Variants in CACNB4 observed in about 807,000 individuals in gnomAD.
The protein encoded by CACNB4 is calcium voltage-gated channel auxiliary subunit beta 4.
In CACNB4, 32 loss-of-function variants were observed where a neutral mutation model predicts 71.2. That is an observed-to-expected ratio of 0.45 (90% CI 0.34 to 0.60). CACNB4 has a LOEUF of 0.60. Among genes scored for constraint, CACNB4 ranks in the 20% least tolerant of loss-of-function variants. CACNB4 has a pLI of 0.01. For missense variants in CACNB4, 464 were observed against 647.9 expected (o/e 0.72, Z 3.08); for synonymous variants, 231 against 236.9 (o/e 0.97, Z 0.23).
upstream of CACNB4, chr2:152,099,130 C>G: frequency 1.7e-6 from 1 of 588,714 alleles, no homozygotes; most frequent in Non-Finnish European, 2.9e-6. Flanking sequence ...CCAGGACCCG[C>G]GCCGGCGCCC....
At chr2:151,997,609 G>A (rs1049435596) in intron 2 of CACNB4, among the ~76,000 whole-genome samples, 5 of 152,102 alleles carry the variant, frequency 3.3e-5, no homozygotes, top group Non-Finnish European at 5.9e-5. Flanking sequence ...TGCTGAGATT[G>A]GAGTGATGTA....
chr2:151,923,975 G>A (rs1252069686), intron 2 of CACNB4, among the ~76,000 whole-genome samples: 4 of 150,254 alleles, frequency 2.7e-5, no homozygotes, highest in Non-Finnish European at 5.9e-5. Flanking sequence ...CAGAGGGACT[G>A]GTTTTTTAAT....
At chr2:152,009,393 T>C (rs992290842) in intron 2 of CACNB4, among the ~76,000 whole-genome samples, 4 of 151,978 alleles carry the variant, frequency 2.6e-5, no homozygotes, top group Non-Finnish European at 2.9e-5. Context: ...AAAAGGTCAT[T>C]AGGTAAAAGG....
intron 2 of CACNB4, among the ~76,000 whole-genome samples, chr2:151,999,072 G>A (rs1682241318): frequency 1.3e-5 from 2 of 152,184 alleles, no homozygotes; most frequent in African/African-American, 2.4e-5. Flanking sequence ...GAACAAATGC[G>A]GCTGTCAGCT....
chr2:151,960,284 G>C (rs1171925517), intron 2 of CACNB4, among the ~76,000 whole-genome samples: 1 of 152,108 alleles, frequency 6.6e-6, no homozygotes, highest in African/African-American at 2.4e-5. Context: ...AACCACAACT[G>C]AGACTCATGG....
At chr2:152,069,837 C>CTTTTTT (rs70974819) in intron 2 of CACNB4, among the ~76,000 whole-genome samples, 2 of 98,716 alleles carry the variant, frequency 2.0e-5, no homozygotes, top group Non-Finnish European at 3.7e-5. Flanking sequence ...CTTCATCAAT[C>CTTTTTT]TTTTTTTTTT....
intron 2 of CACNB4, among the ~76,000 whole-genome samples, chr2:151,933,229 T>C (rs1287278181): frequency 2.6e-5 from 4 of 151,444 alleles, no homozygotes; most frequent in South Asian, 2.1e-4. Context: ...TAGTATCCAA[T>C]AAGGTAAACT....
intron 4 of CACNB4, among the ~76,000 whole-genome samples, chr2:151,877,770 G>T (rs747480775): frequency 6.6e-6 from 1 of 152,178 alleles, no homozygotes; most frequent in Non-Finnish European, 1.5e-5. Context: ...AGCCCAAGAG[G>T]AACTCCAGAA....
chr2:152,056,636 C>T (rs1266875661), intron 2 of CACNB4, among the ~76,000 whole-genome samples: 1 of 152,146 alleles, frequency 6.6e-6, no homozygotes, highest in Non-Finnish European at 1.5e-5. Context: ...GTGTGATGCC[C>T]TTGGCATTTT....
chr2:152,004,637 G>A (rs1167090015), intron 2 of CACNB4, among the ~76,000 whole-genome samples: 1 of 152,040 alleles, frequency 6.6e-6, no homozygotes, highest in Admixed American at 6.6e-5. Flanking sequence ...GGCAGCTGAT[G>A]CAGGAAGGAG....
At chr2:151,942,709 A>C (rs1385519796) in intron 2 of CACNB4, among the ~76,000 whole-genome samples, 2 of 152,132 alleles carry the variant, frequency 1.3e-5, no homozygotes, top group Non-Finnish European at 1.5e-5. Context: ...GGGGAGGTCT[A>C]TAAACGGCCG....
chr2:152,051,648 T>C (rs1288980327), intron 2 of CACNB4, among the ~76,000 whole-genome samples: 1 of 152,170 alleles, frequency 6.6e-6, no homozygotes, highest in Non-Finnish European at 1.5e-5. Flanking sequence ...AAAGAGGGCT[T>C]TCAACAAGAA....
intron 2 of CACNB4, among the ~76,000 whole-genome samples, chr2:151,983,576 T>G (rs753715145): frequency 1.1e-4 from 16 of 152,006 alleles, no homozygotes; most frequent in Non-Finnish European, 2.1e-4. Flanking sequence ...ACATTGGTAC[T>G]GATAGAAAGT....
At chr2:152,022,631 C>A (rs1683730543) in intron 2 of CACNB4, among the ~76,000 whole-genome samples, 1 of 152,168 alleles carries the variant, frequency 6.6e-6, no homozygotes, top group Admixed American at 6.5e-5. Context: ...ATTTTAATGA[C>A]CTGCAATCTC....
At chr2:152,038,648 T>C (rs1684719570) in intron 2 of CACNB4, among the ~76,000 whole-genome samples, 1 of 152,130 alleles carries the variant, frequency 6.6e-6, no homozygotes, top group South Asian at 2.1e-4. Context: ...TTTTCCTCTT[T>C]CCACAAAAGA....
At chr2:151,998,792 G>A (rs764122614) in intron 2 of CACNB4, among the ~76,000 whole-genome samples, 11 of 152,286 alleles carry the variant, frequency 7.2e-5, no homozygotes, top group Admixed American at 3.3e-4. Flanking sequence ...TCTCCCCTGC[G>A]TTCGAGGGCT....
intron 2 of CACNB4, among the ~76,000 whole-genome samples, chr2:152,082,615 G>A (rs1349860958): frequency 6.6e-6 from 1 of 152,160 alleles, no homozygotes; most frequent in East Asian, 1.9e-4. Context: ...GAATCTTAGA[G>A]GTTACCTAGT....
chr2:151,940,742 A>G (rs946001463), intron 2 of CACNB4, among the ~76,000 whole-genome samples: 1 of 152,192 alleles, frequency 6.6e-6, no homozygotes, highest in African/African-American at 2.4e-5. Flanking sequence ...TTAACTGTCT[A>G]TGGTGGGCAA....
At chr2:152,074,465 A>G (rs1471120047) in intron 2 of CACNB4, among the ~76,000 whole-genome samples, 1 of 150,248 alleles carries the variant, frequency 6.7e-6, no homozygotes, top group African/African-American at 2.5e-5. Flanking sequence ...AATCACTACT[A>G]TCACTACTAC....
Sources: allele counts gnomAD v4.1 joint callset (sites outside exome capture counted in the v4.1 genomes callset), GRCh38; gene constraint gnomAD v4.1.1; transcripts MANE v1.5; gene names NCBI Gene and HGNC (gene_info 2026-07-23, HGNC 2026-07-21).